Variants in ANK2 observed in about 807,000 individuals in gnomAD.
The protein encoded by ANK2 is ankyrin 2.
A neutral mutation model predicts 360.5 loss-of-function variants in ANK2; 83 were observed. The observed-to-expected ratio is 0.23, with a 90% CI of 0.19 to 0.28. The LOEUF (loss-of-function observed/expected upper bound fraction) is 0.28, where lower values mean the gene tolerates loss of function less well. Among genes scored for constraint, ANK2 ranks in the 10% least tolerant of loss-of-function variants. The pLI is 1.00. For synonymous variants in ANK2, 1,740 were observed against 1,759.5 expected (o/e 0.99, Z 0.28); for missense variants, 4,201 against 4,795.7 (o/e 0.88, Z 3.66).
chr4:113,271,029 G>T (rs544507038), intron 14 of ANK2, among the ~76,000 whole-genome samples: 1 of 152,166 alleles, frequency 6.6e-6, no homozygotes, highest in Non-Finnish European at 1.5e-5. Context: ...GTGGCTTAGC[G>T]TCCTGAAATT....
At chr4:112,732,543 T>C in the ANK2 span, among the ~76,000 whole-genome samples, 3 of 151,916 alleles carry the variant, frequency 2.0e-5, no homozygotes, top group East Asian at 1.9e-4. Context: ...CCAGCCAGAG[T>C]AGGGATTTTT....
At chr4:112,779,379 C>T in the ANK2 span, among the ~76,000 whole-genome samples, 4 of 151,974 alleles carry the variant, frequency 2.6e-5, no homozygotes, top group East Asian at 5.8e-4. Flanking sequence ...ATTAGCCGGG[C>T]GTGGTGATGG....
chr4:112,854,570 G>A (rs1262809286), intron 1 of ANK2, among the ~76,000 whole-genome samples: 1 of 152,174 alleles, frequency 6.6e-6, no homozygotes, highest in African/African-American at 2.4e-5. Context: ...CTGTGAGAAT[G>A]AGAGGAGGTT....
At chr4:113,374,756 A>T in intron 45 of ANK2, 1 of 1,077,994 alleles carries the variant, frequency 9.3e-7, no homozygotes, top group Non-Finnish European at 1.1e-6. Context: ...GTGTCCTTCG[A>T]TCATTAGGTC....
intron 1 of ANK2, among the ~76,000 whole-genome samples, chr4:113,090,730 C>A (rs572380313): frequency 6.6e-6 from 1 of 152,142 alleles, no homozygotes; most frequent in Non-Finnish European, 1.5e-5. Flanking sequence ...ATTCTAGCTT[C>A]GTGATAAAAG....
At chr4:112,976,351 G>A (rs959556991) in intron 2 of ANK2, among the ~76,000 whole-genome samples, 1 of 152,014 alleles carries the variant, frequency 6.6e-6, no homozygotes, top group Admixed American at 6.6e-5. Flanking sequence ...ACACTACCAC[G>A]ACAGGCTAAT....
intron 1 of ANK2, among the ~76,000 whole-genome samples, chr4:112,859,674 G>A (rs548663697): frequency 1.2e-3 from 188 of 152,358 alleles, no homozygotes; most frequent in African/African-American, 4.1e-3. Context: ...GAGCAAGTCT[G>A]TGTGCAGCAG....
intron 38 of ANK2, among the ~76,000 whole-genome samples, chr4:113,360,400 A>T (rs1359565524): frequency 6.6e-6 from 1 of 152,022 alleles, no homozygotes; most frequent in Non-Finnish European, 1.5e-5. Flanking sequence ...TTCAGACATG[A>T]CCTGGAAATG....
chr4:113,367,863 A>G lies in ANK2; in HGVS notation c.11318+12A>G. On this transcript the variant is annotated intron_variant, in intron 42 of 45. Coordinates refer to ENST00000357077, the MANE Select transcript of ANK2 (RefSeq NM_001148.6). The stretch of plus-strand genomic sequence containing the variant: ...CAGCAGGAATATTTGTGAGTTTCCA[A>G]AGAAAGCCTGTCAAATGTAATACCA... The G allele has an allele frequency of 6.2e-7, 1 of 1,614,082 alleles. No homozygotes were observed. Among genetic ancestry groups the G allele is most frequent in the Non-Finnish European group, 8.5e-7 (1 of 1,179,962 alleles).
intron 45 of ANK2, chr4:113,378,228 AT>A: frequency 1.0e-6 from 1 of 978,654 alleles, no homozygotes; most frequent in Non-Finnish European, 1.4e-6. Context: ...CACCATAAAA[AT>A]TTTTCCAATT....
chr4:112,771,786 T>C, the ANK2 span, among the ~76,000 whole-genome samples: 8 of 152,214 alleles, frequency 5.3e-5, no homozygotes, highest in African/African-American at 1.9e-4. Context: ...AGAGTTTCAC[T>C]GCGTTAGCCA....
At chr4:113,200,256 A>AGT (rs1410142317) in intron 4 of ANK2, among the ~76,000 whole-genome samples, 1 of 152,190 alleles carries the variant, frequency 6.6e-6, no homozygotes, top group Non-Finnish European at 1.5e-5. Context: ...TCTGTAAAGA[A>AGT]CATCTGTATA....
intron 1 of ANK2, among the ~76,000 whole-genome samples, chr4:113,143,751 TAGA>T (rs1562378841): frequency 1.3e-5 from 2 of 152,042 alleles, no homozygotes; most frequent in African/African-American, 2.4e-5. Flanking sequence ...AAGAACCTTA[TAGA>T]AGGAGACAAA....
chr4:112,761,297 C>A, the ANK2 span, among the ~76,000 whole-genome samples: 28 of 152,018 alleles, frequency 1.8e-4, no homozygotes, highest in Non-Finnish European at 7.4e-5. Context: ...GTGTCTTAAA[C>A]AGTGTTCTGA....
At chr4:112,750,038 C>G in the ANK2 span, among the ~76,000 whole-genome samples, 1 of 152,158 alleles carries the variant, frequency 6.6e-6, no homozygotes, top group Non-Finnish European at 1.5e-5. Context: ...GCCACCGCTC[C>G]TGGCATCTAG....
intron 11 of ANK2, among the ~76,000 whole-genome samples, chr4:113,257,417 T>C (rs921677241): frequency 3.3e-5 from 5 of 152,298 alleles, no homozygotes; most frequent in African/African-American, 9.6e-5. Context: ...CTTGAAAATA[T>C]TCGAGAACTT....
the ANK2 span, chr4:112,788,232 G>A: frequency 6.3e-7 from 1 of 1,590,290 alleles, no homozygotes; most frequent in Non-Finnish European, 8.5e-7. Context: ...GCTTCCACCA[G>A]CTTAGCCAAA....
At chr4:113,334,634 C>T (rs2093198800) in intron 29 of ANK2, among the ~76,000 whole-genome samples, 1 of 113,786 alleles carries the variant, frequency 8.8e-6, no homozygotes, top group Non-Finnish European at 1.6e-5. Flanking sequence ...ATTAATTAAT[C>T]TATTACTAGA....
At chr4:112,932,477 G>A (rs1180139825) in intron 2 of ANK2, among the ~76,000 whole-genome samples, 1 of 141,380 alleles carries the variant, frequency 7.1e-6, no homozygotes, top group African/African-American at 2.7e-5. Flanking sequence ...GGGTGACAGA[G>A]TGAGACTCCG....
Sources: allele counts gnomAD v4.1 joint callset (sites outside exome capture counted in the v4.1 genomes callset), GRCh38; gene constraint gnomAD v4.1.1; transcripts MANE v1.5; gene names NCBI Gene and HGNC (gene_info 2026-07-23, HGNC 2026-07-21).